Variants in PTPRD observed in about 807,000 individuals in gnomAD.
PTPRD encodes the protein protein tyrosine phosphatase receptor type D.
A neutral mutation model predicts 214.5 loss-of-function variants in PTPRD; 34 were observed. That is an observed-to-expected ratio of 0.16 (90% CI 0.12 to 0.21). PTPRD has a LOEUF of 0.21. PTPRD is among the 10% of genes least tolerant of loss of function. The pLI, the probability that PTPRD is intolerant of heterozygous loss-of-function variation, is 1.00. For synonymous variants in PTPRD, 1,128 were observed against 845.7 expected (o/e 1.33, Z -5.79); for missense variants, 2,545 against 2,398.7 (o/e 1.06, Z -1.27).
intron 9 of PTPRD, among the ~76,000 whole-genome samples, chr9:9,256,591 G>A (rs1426966137): frequency 6.6e-6 from 1 of 151,876 alleles, no homozygotes; most frequent in Non-Finnish European, 1.5e-5. Flanking sequence ...CCAATGTTTG[G>A]CAGATCTGGG....
intron 35 of PTPRD, among the ~76,000 whole-genome samples, chr9:8,414,535 C>T (rs1230167898): frequency 1.3e-5 from 2 of 151,886 alleles, no homozygotes; most frequent in African/African-American, 4.8e-5. Context: ...GATCTCAAGG[C>T]CACTTATGTT....
chr9:10,317,502 G>A (rs892481993), intron 3 of PTPRD, among the ~76,000 whole-genome samples: 13 of 151,934 alleles, frequency 8.6e-5, no homozygotes, highest in Non-Finnish European at 1.9e-4. Flanking sequence ...GTCAGAAGAA[G>A]AGAGTATAAA....
At chr9:8,930,201 A>G (rs956180449) in intron 11 of PTPRD, among the ~76,000 whole-genome samples, 34 of 151,588 alleles carry the variant, frequency 2.2e-4, no homozygotes, top group African/African-American at 8.0e-4. Flanking sequence ...ATGAGTGAGA[A>G]CATGTGGTGT....
chr9:10,245,678 AC>A (rs1001800350), intron 3 of PTPRD, among the ~76,000 whole-genome samples: 1 of 152,204 alleles, frequency 6.6e-6, no homozygotes, highest in African/African-American at 2.4e-5. Context: ...GAATAAACAA[AC>A]TATGAAAAAA....
At chr9:9,736,321 A>G (rs537445703) in intron 6 of PTPRD, among the ~76,000 whole-genome samples, 3 of 152,102 alleles carry the variant, frequency 2.0e-5, no homozygotes, top group Admixed American at 6.6e-5. Flanking sequence ...CCTTTCCTTT[A>G]AAATCTTATT....
chr9:10,262,146 A>G (rs950964954), intron 3 of PTPRD, among the ~76,000 whole-genome samples: 1 of 152,202 alleles, frequency 6.6e-6, no homozygotes, highest in Non-Finnish European at 1.5e-5. Flanking sequence ...AATTATTTAA[A>G]AATCAGTGGT....
At chr9:10,027,745 T>C (rs2096956064) in intron 4 of PTPRD, among the ~76,000 whole-genome samples, 1 of 152,330 alleles carries the variant, frequency 6.6e-6, no homozygotes, top group Non-Finnish European at 1.5e-5. Flanking sequence ...TAATAGAAAC[T>C]ACTAAAGTAT....
chr9:10,315,223 C>G (rs1028422778), intron 3 of PTPRD, among the ~76,000 whole-genome samples: 1 of 151,700 alleles, frequency 6.6e-6, no homozygotes, highest in Non-Finnish European at 1.5e-5. Context: ...AGTTTCATCT[C>G]TAAAATGTTT....
rs534220083 is a variant in PTPRD, at chr9:10,387,117, A to G, written c.-599-46100T>C. ...AATCTCCAGAAAGGATCACAGCCCT[A>G]CCTATACCTTGCTTTTAGCCCAGTG... On this transcript the variant is annotated intron_variant, in intron 2 of 45. Transcript: ENST00000381196. 2.0e-5 allele frequency among the ~76,000 whole-genome samples: 3 copies of G among 151,960 alleles called. No homozygotes were observed. In the East Asian group the frequency reaches 5.9e-4, roughly 30 times the overall value.
intron 3 of PTPRD, among the ~76,000 whole-genome samples, chr9:10,083,971 T>C (rs746916280): frequency 2.0e-5 from 3 of 151,932 alleles, no homozygotes; most frequent in Admixed American, 2.0e-4. Flanking sequence ...AATAGAGAAC[T>C]AGGCTCAAGG....
chr9:9,101,420 C>A (rs1013226997), intron 10 of PTPRD, among the ~76,000 whole-genome samples: 1 of 152,032 alleles, frequency 6.6e-6, no homozygotes, highest in Non-Finnish European at 1.5e-5. Flanking sequence ...TGTACAGATA[C>A]GATTAGCATC....
chr9:9,420,842 T>C (rs1195645458), intron 8 of PTPRD, among the ~76,000 whole-genome samples: 1 of 152,006 alleles, frequency 6.6e-6, no homozygotes, highest in Non-Finnish European at 1.5e-5. Context: ...TATGTATCTA[T>C]ATATTTGTAA....
intron 9 of PTPRD, among the ~76,000 whole-genome samples, chr9:9,250,887 C>G (rs2099975199): frequency 6.6e-6 from 1 of 152,046 alleles, no homozygotes; most frequent in Non-Finnish European, 1.5e-5. Flanking sequence ...TATTTGAATT[C>G]TTTATCTTTA....
intron 7 of PTPRD, among the ~76,000 whole-genome samples, chr9:9,653,626 G>A (rs943226416): frequency 6.6e-6 from 1 of 152,002 alleles, no homozygotes; most frequent in African/African-American, 2.4e-5. Context: ...AACAGCATGA[G>A]GTCCTGTATT....
At chr9:9,068,269 C>T (rs982026617) in intron 10 of PTPRD, among the ~76,000 whole-genome samples, 1 of 152,076 alleles carries the variant, frequency 6.6e-6, no homozygotes, top group Non-Finnish European at 1.5e-5. Context: ...ATCTGGGCTG[C>T]TTACAGTGTT....
chr9:10,278,717 T>G (rs1374346282), intron 3 of PTPRD, among the ~76,000 whole-genome samples: 1 of 152,166 alleles, frequency 6.6e-6, no homozygotes, highest in Non-Finnish European at 1.5e-5. Flanking sequence ...TCCGTAAGTT[T>G]GAATATATAT....
intron 8 of PTPRD, among the ~76,000 whole-genome samples, chr9:9,431,970 T>G (rs954486049): frequency 6.6e-6 from 1 of 150,776 alleles, no homozygotes; most frequent in Non-Finnish European, 1.5e-5. Flanking sequence ...AGTTAATGGT[T>G]GCAGCACACC....
chr9:8,671,865 T>G (rs184286099), intron 12 of PTPRD, among the ~76,000 whole-genome samples: 44 of 152,290 alleles, frequency 2.9e-4, no homozygotes, highest in African/African-American at 1.0e-3. Context: ...TTGTCCTGAA[T>G]CCTTTGAAAA....
intron 33 of PTPRD, among the ~76,000 whole-genome samples, chr9:8,457,233 G>T (rs2096241817): frequency 6.6e-6 from 1 of 152,158 alleles, no homozygotes; most frequent in Non-Finnish European, 1.5e-5. Context: ...GCTAGTCACA[G>T]AACTGGGACT....
Sources: allele counts gnomAD v4.1 joint callset (sites outside exome capture counted in the v4.1 genomes callset), GRCh38; gene constraint gnomAD v4.1.1; transcripts MANE v1.5; gene names NCBI Gene and HGNC (gene_info 2026-07-23, HGNC 2026-07-21).